The following KCNAB1 variants were observed in gnomAD, a reference collection of about 807,000 sequenced individuals.
KCNAB1 encodes voltage-gated potassium channel subunit beta-1.
A neutral mutation model predicts 64.6 loss-of-function variants in KCNAB1; 35 were observed. That is an observed-to-expected ratio of 0.54 (90% CI 0.41 to 0.72). The LOEUF (loss-of-function observed/expected upper bound fraction) is 0.72. Among genes scored for constraint, KCNAB1 ranks in the 30% least tolerant of loss-of-function variants. The probability of loss-of-function intolerance (pLI) is 0.00; values close to 1 mark genes in which losing one functional copy is unlikely to be tolerated. For missense variants in KCNAB1, 401 were observed against 512.9 expected, an observed-to-expected ratio of 0.78 and a Z score of 2.11; for synonymous variants, 177 against 183.8, an observed-to-expected ratio of 0.96 and a Z score of 0.30.
At chr3:156,151,755 T>TA (rs1238305046) in intron 1 of KCNAB1, among the ~76,000 whole-genome samples, 2 of 152,216 alleles carry the variant, frequency 1.3e-5, no homozygotes, top group Non-Finnish European at 2.9e-5. Context: ...ACAACTTTGG[T>TA]AAAATTTACA....
intron 1 of KCNAB1, among the ~76,000 whole-genome samples, chr3:156,185,323 A>G (rs1713116220): frequency 6.6e-6 from 1 of 152,148 alleles, no homozygotes; most frequent in Non-Finnish European, 1.5e-5. Context: ...TGTTACCTCC[A>G]TAGCTACCTT....
At chr3:156,244,644 A>G (rs1255234818) in intron 1 of KCNAB1, among the ~76,000 whole-genome samples, 1 of 152,088 alleles carries the variant, frequency 6.6e-6, no homozygotes, top group Non-Finnish European at 1.5e-5. Flanking sequence ...TACTCCCCTA[A>G]TACACTTTTA....
At chr3:156,335,612 G>A (rs1723644737) in intron 1 of KCNAB1, among the ~76,000 whole-genome samples, 2 of 152,132 alleles carry the variant, frequency 1.3e-5, no homozygotes, top group Admixed American at 6.5e-5. Flanking sequence ...TCCAGGTAAG[G>A]AAGTAATTGT....
At chr3:156,245,722 G>T (rs1717415871) in intron 1 of KCNAB1, among the ~76,000 whole-genome samples, 1 of 152,202 alleles carries the variant, frequency 6.6e-6, no homozygotes, top group African/African-American at 2.4e-5. Flanking sequence ...AGCAGAGCAT[G>T]GGTAAATTTT....
At chr3:156,438,437 C>T (rs1716743087) in intron 2 of KCNAB1, among the ~76,000 whole-genome samples, 1 of 152,180 alleles carries the variant, frequency 6.6e-6, no homozygotes, top group Non-Finnish European at 1.5e-5. Flanking sequence ...TCATGTGTCA[C>T]TTCAGAATAA....
intron 1 of KCNAB1, among the ~76,000 whole-genome samples, chr3:156,132,624 G>T (rs1177199514): frequency 1.3e-5 from 2 of 152,202 alleles, no homozygotes; most frequent in African/African-American, 4.8e-5. Flanking sequence ...ATGGAAACAA[G>T]GGTCAGGGAG....
At position 156,537,303 on chromosome 3, in the gene KCNAB1, T is replaced by G. The variant is rs373087747; in HGVS notation, c.*556T>G. 16 of 361,412 alleles carry G rather than the reference T, an allele frequency of 4.4e-5. No individual in the cohort carries two copies. Among genetic ancestry groups the G allele is most frequent in the African/African-American group, 3.3e-4 (16 of 47,896 alleles). The allele number at this position is 361,412 out of a possible 1,614,324, so 22.4% of individuals were successfully genotyped here. A position where few individuals can be genotyped will look rare whatever the true frequency, so the allele number is the denominator to read the frequency against. On this transcript the variant is annotated 3_prime_UTR_variant, in exon 14 of 14. Transcript: ENST00000490337. The stretch of plus-strand genomic sequence containing the variant: ...CTTGGAAGAATAAGCAGAAATAATT[T>G]TATATATTTTTTTTCTATTTTCACA...
intron 1 of KCNAB1, among the ~76,000 whole-genome samples, chr3:156,312,728 A>AAAAAAAAAAAAC (rs1480629860): frequency 6.6e-6 from 1 of 150,842 alleles, no homozygotes; most frequent in East Asian, 1.9e-4. Context: ...AAAAAAAAAA[A>AAAAAAAAAAAAC]AAACTCATAA....
chr3:156,461,344 C>G (rs1224649548), intron 5 of KCNAB1, among the ~76,000 whole-genome samples: 1 of 152,212 alleles, frequency 6.6e-6, no homozygotes, highest in Non-Finnish European at 1.5e-5. Flanking sequence ...CTCTTAGCTT[C>G]CAGTGGTTGC....
chr3:156,143,892 A>T (rs1714882031), intron 1 of KCNAB1, among the ~76,000 whole-genome samples: 1 of 145,104 alleles, frequency 6.9e-6, no homozygotes, highest in Admixed American at 7.1e-5. Flanking sequence ...TCTCCTTGAA[A>T]TGACAGCACT....
intron 1 of KCNAB1, among the ~76,000 whole-genome samples, chr3:156,125,073 G>A (rs530641637): frequency 6.6e-6 from 1 of 152,102 alleles, no homozygotes; most frequent in East Asian, 1.9e-4. Context: ...AGGAGGCAGA[G>A]GTTGCAGTGA....
At chr3:156,443,361 C>T (rs1295394346) in intron 2 of KCNAB1, among the ~76,000 whole-genome samples, 1 of 150,982 alleles carries the variant, frequency 6.6e-6, no homozygotes, top group Non-Finnish European at 1.5e-5. Context: ...TTAGAGCAAA[C>T]CTGGGCCATA....
chr3:156,334,138 A>G (rs1186191629), intron 1 of KCNAB1, among the ~76,000 whole-genome samples: 2 of 152,158 alleles, frequency 1.3e-5, no homozygotes, highest in Non-Finnish European at 2.9e-5. Flanking sequence ...TATTTTTTGC[A>G]TTTAAATTCC....
At chr3:156,137,518 A>G (rs1283885158) in intron 1 of KCNAB1, among the ~76,000 whole-genome samples, 1 of 151,962 alleles carries the variant, frequency 6.6e-6, no homozygotes, top group African/African-American at 2.4e-5. Context: ...AGAGACATTT[A>G]ACATTAGATT....
At chr3:156,439,988 T>A (rs1252908390) in intron 2 of KCNAB1, among the ~76,000 whole-genome samples, 2 of 152,220 alleles carry the variant, frequency 1.3e-5, no homozygotes, top group Non-Finnish European at 2.9e-5. Flanking sequence ...TTCCAAGCAA[T>A]GAATTAATTA....
intron 2 of KCNAB1, among the ~76,000 whole-genome samples, chr3:156,447,074 C>A (rs1711620251): frequency 6.6e-6 from 1 of 152,128 alleles, no homozygotes; most frequent in African/African-American, 2.4e-5. Context: ...GGAACACTCT[C>A]CCTCCAGATA....
chr3:156,341,717 AT>A (rs1724127976), intron 1 of KCNAB1, among the ~76,000 whole-genome samples: 1 of 152,234 alleles, frequency 6.6e-6, no homozygotes, highest in South Asian at 2.1e-4. Flanking sequence ...TAGAAAAAAA[AT>A]ATAGAAAGAA....
chr3:156,446,032 A>G (rs1317299778), intron 2 of KCNAB1: 1 of 152,228 alleles, frequency 6.6e-6, no homozygotes, highest in Non-Finnish European at 1.5e-5. Flanking sequence ...ACTTTAACTC[A>G]CCAGGGGAAG....
chr3:156,477,152 T>C (rs573281242), intron 8 of KCNAB1, among the ~76,000 whole-genome samples: 147 of 152,340 alleles, frequency 9.6e-4, no homozygotes, highest in Non-Finnish European at 1.9e-3. Flanking sequence ...CAATATTTAT[T>C]ACATGTTGAA....
Sources: gnomAD v4.1 joint callset for allele counts (sites outside exome capture counted in the v4.1 genomes callset) on GRCh38, gnomAD v4.1.1 for gene constraint, MANE v1.5 for transcripts, NCBI Gene and HGNC (gene_info 2026-07-23, HGNC 2026-07-21) for gene names.